The following USP48 variants were observed in gnomAD, a reference collection of about 807,000 sequenced individuals.
USP48 encodes the protein ubiquitin specific peptidase 48, also known as ubiquitin carboxyl-terminal hydrolase 48.
Under a neutral mutation model 150.7 loss-of-function variants are expected in USP48, and 43 were observed. The ratio of observed to expected loss-of-function variants is 0.29; its 90% CI spans 0.22 to 0.37. The LOEUF is 0.37. Among genes scored for constraint, USP48 ranks in the 10% least tolerant of loss-of-function variants. USP48 has a pLI of 1.00. For missense variants in USP48, 813 were observed against 1,249.6 expected (o/e 0.65, Z 5.27); for synonymous variants, 396 against 425.9 (o/e 0.93, Z 0.86).
intron 8 of USP48, among the ~76,000 whole-genome samples, chr1:21,742,583 GAAAAGAAAAGAAAAGAAA>G (rs1338067188): frequency 1.1e-4 from 16 of 146,666 alleles, no homozygotes; most frequent in African/African-American, 1.5e-4. Flanking sequence ...AAAAGAAAAA[GAAAAGAAAAGAAAAGAAA>G]AAAAGAAAAA....
chr1:21,729,925 C>A (rs544535550), intron 9 of USP48, 93 bp from the exon 10 acceptor site: 612 of 1,472,200 alleles, frequency 4.2e-4, no homozygotes, highest in Non-Finnish European at 5.3e-4. Context: ...CCAAAATATA[C>A]ACCCAAGACA....
At chr1:21,775,134 G>A (rs2097894431) in intron 1 of USP48, among the ~76,000 whole-genome samples, 1 of 151,764 alleles carries the variant, frequency 6.6e-6, no homozygotes, top group Non-Finnish European at 1.5e-5. Flanking sequence ...TTGCTCTATC[G>A]CCCAAGCTGG....
intron 1 of USP48, among the ~76,000 whole-genome samples, chr1:21,764,594 C>A (rs2097857411): frequency 6.7e-6 from 1 of 150,204 alleles, no homozygotes; most frequent in Admixed American, 6.7e-5. Flanking sequence ...GTAATCCCAG[C>A]TACTCTGGAG....
chr1:21,749,586 TA>T (rs923609374), intron 6 of USP48, among the ~76,000 whole-genome samples: 1 of 151,616 alleles, frequency 6.6e-6, no homozygotes. Flanking sequence ...GTCTGCAAAT[TA>T]AAAAAAAATT....
chr1:21,765,901 CAAAA>C (rs199539331), intron 1 of USP48, among the ~76,000 whole-genome samples: 1 of 112,150 alleles, frequency 8.9e-6, no homozygotes, highest in African/African-American at 4.1e-5. Flanking sequence ...ACTCCATCTC[CAAAA>C]AAAAAAAAAA....
In USP48 at chr1:21,704,382, T is replaced by A. The variant is rs148667263; in HGVS notation, c.2395A>T (p.Ile799Leu). ...ATCATTTGCCACTCACTGGGCCATATGAGAGCTATACTGTGCAAAAAAAAA... is the reference window on the plus strand; with the variant it reads ...ATCATTTGCCACTCACTGGGCCATAAGAGAGCTATACTGTGCAAAAAAAAA... ...TKEDSKLIALIWPSEWQMIQK... is the reference protein window; with the variant it reads ...TKEDSKLIALLWPSEWQMIQK... The change falls in exon 20 of 27, where the codon ATA becomes TTA. Residue 799 changes from isoleucine to leucine, a missense_variant. Physicochemically the swap from Ile to Leu is conservative, Grantham distance 5. Coordinates refer to ENST00000308271, the MANE Select transcript of USP48 (RefSeq NM_032236.8). 1,766 of 1,612,820 alleles carry A rather than the reference T, an allele frequency of 1.1e-3. 3 individuals are homozygous for A. Among genetic ancestry groups the A allele is most frequent in the Admixed American group, 2.8e-3 (165 of 59,880 alleles).
chr1:21,724,269 C>T (rs1222995174), intron 11 of USP48, 174 bp from the exon 12 acceptor site: 6 of 671,204 alleles, frequency 8.9e-6, no homozygotes, highest in Non-Finnish European at 1.6e-5. Flanking sequence ...CAGTTAAGTG[C>T]CACTCCTATG....
intron 22 of USP48, 66 bp downstream of exon 22, chr1:21,701,432 G>C: frequency 7.3e-7 from 1 of 1,373,258 alleles, no homozygotes; most frequent in Non-Finnish European, 1.0e-6. Context: ...ATGGCCAGGG[G>C]CTTCGAGTGG....
intron 22 of USP48, among the ~76,000 whole-genome samples, chr1:21,697,094 G>A (rs1489553744): frequency 6.6e-6 from 1 of 152,028 alleles, no homozygotes; most frequent in African/African-American, 2.4e-5. Flanking sequence ...GTGGTTTAAC[G>A]GTCATTATAG....
At chr1:21,682,717 A>C (rs1308221484) in intron 25 of USP48, among the ~76,000 whole-genome samples, 2 of 152,066 alleles carry the variant, frequency 1.3e-5, no homozygotes, top group Admixed American at 6.6e-5. Flanking sequence ...CCTACTAAAA[A>C]TACAAAAATT....
intron 8 of USP48, among the ~76,000 whole-genome samples, chr1:21,745,643 A>AAC (rs35137285): frequency 0.051 from 7,733 of 152,306 alleles, 243 homozygotes; most frequent in Middle Eastern, 0.058. Flanking sequence ...GTTTTGATCT[A>AAC]ACACGTCCTT....
intron 15 of USP48, among the ~76,000 whole-genome samples, chr1:21,713,550 G>A (rs1206865864): frequency 6.6e-6 from 1 of 152,196 alleles, no homozygotes; most frequent in Non-Finnish European, 1.5e-5. Context: ...AGGTCAGTGA[G>A]CTAAGGAGCA....
intron 1 of USP48, chr1:21,768,314 T>C (rs867212420): frequency 7.7e-5 from 13 of 168,098 alleles, no homozygotes; most frequent in Middle Eastern, 2.3e-3. Context: ...GTGCATCAAG[T>C]CCCTGATTGC....
intron 14 of USP48, among the ~76,000 whole-genome samples, chr1:21,717,542 TTC>T (rs1358875656): frequency 6.6e-6 from 1 of 152,190 alleles, no homozygotes; most frequent in Non-Finnish European, 1.5e-5. Context: ...TCTCCTCTTT[TTC>T]TCTCTGTCAC....
rs2097623293 is a variant in USP48 at position 21,695,172 on chromosome 1, G to A, written c.2777C>T (p.Ala926Val). The change falls in exon 23 of 27, where the codon GCC becomes GTC. Residue 926 changes from alanine (A) to valine (V), a missense_variant. Coordinates refer to ENST00000308271, the MANE Select transcript of USP48 (RefSeq NM_032236.8). Reference sequence around the variant, plus strand: ...TCGGCGAATAACTTGCTTTTGATAGGCTATATAATTTTGATGGGATATCTT... The same window carrying A: ...TCGGCGAATAACTTGCTTTTGATAGACTATATAATTTTGATGGGATATCTT... ...RQKISHQNYI[A>V]YQKQVIRRSM... The A allele has an allele frequency of 1.2e-6, 2 of 1,612,930 alleles. No individual in the cohort carries two copies. The highest frequency in any genetic ancestry group is 2.2e-5 in the South Asian group (2 of 90,890).
At chr1:21,735,375 A>C (rs1031987465) in intron 9 of USP48, among the ~76,000 whole-genome samples, 3 of 68,262 alleles carry the variant, frequency 4.4e-5, no homozygotes, top group Non-Finnish European at 1.1e-4. Context: ...CCAAGGCGGG[A>C]GGACTGTTAA....
intron 8 of USP48, among the ~76,000 whole-genome samples, chr1:21,740,732 A>G (rs1557542082): frequency 6.6e-6 from 1 of 152,272 alleles, no homozygotes; most frequent in Non-Finnish European, 1.5e-5. Flanking sequence ...CAGTGGAAAT[A>G]GCAAATACAT....
At chr1:21,748,302 AAAG>A (rs2097800426) in intron 6 of USP48, 31 bp from the exon 7 acceptor site, 8 of 1,582,530 alleles carry the variant, frequency 5.1e-6, no homozygotes, top group East Asian at 4.5e-5. Context: ...TTAATTTTAA[AAAG>A]AAGATGGGTT....
chr1:21,755,505 T>C (rs138144585), intron 3 of USP48, among the ~76,000 whole-genome samples: 3,103 of 152,252 alleles, frequency 0.02, 42 homozygotes, highest in Middle Eastern at 0.048. Context: ...GAGGCTACAG[T>C]GAGCTGTGCT....
Sources: allele counts gnomAD v4.1 joint callset (sites outside exome capture counted in the v4.1 genomes callset), GRCh38; gene constraint gnomAD v4.1.1; transcripts MANE v1.5; gene names NCBI Gene and HGNC (gene_info 2026-07-23, HGNC 2026-07-21).